The following PREP variants were observed in gnomAD, a reference collection of about 807,000 sequenced individuals.
The protein encoded by PREP is dJ355L5.1 (prolyl endopeptidase).
A neutral mutation model predicts 87.6 loss-of-function variants in PREP; 29 were observed. The observed-to-expected ratio is 0.33, with a 90% CI of 0.25 to 0.45. The LOEUF is 0.45. Among genes scored for constraint, PREP ranks in the 20% least tolerant of loss-of-function variants. PREP has a pLI of 1.00. For missense variants in PREP, 695 were observed against 886.5 expected (o/e 0.78, Z 2.74); for synonymous variants, 337 against 328.6 (o/e 1.03, Z -0.28).
chr6:105,375,979 T>A (rs1471954610), intron 4 of PREP, 146 bp downstream of exon 4: 1 of 929,690 alleles, frequency 1.1e-6, no homozygotes, highest in Non-Finnish European at 1.5e-6. Context: ...TGTGCAAAAA[T>A]TAGCTTTCCT....
At chr6:105,289,944 T>C (rs1417214914) in intron 10 of PREP, among the ~76,000 whole-genome samples, 1 of 149,868 alleles carries the variant, frequency 6.7e-6, no homozygotes, top group African/African-American at 2.4e-5. Context: ...ATAACCATGG[T>C]GGGGGAAGGG....
chr6:105,381,805 C>T (rs907003177), intron 2 of PREP, among the ~76,000 whole-genome samples: 1 of 152,126 alleles, frequency 6.6e-6, no homozygotes, highest in Non-Finnish European at 1.5e-5. Flanking sequence ...ATCTGCTGTA[C>T]AACACTGTAC....
In PREP at chr6:105,296,385, G is replaced by GT. The variant is rs200889673; in HGVS notation, c.1318-7492dup. The stretch of plus-strand genomic sequence containing the variant: ...TATATTTTGTCCCAGTACACCAACA[G>GT]TTTTTTTTTTTAACTTTCTCTGTGG... On this transcript the variant is annotated intron_variant, in intron 10 of 14. Transcript: ENST00000652536. Among the ~76,000 whole-genome samples, 1,439 of 145,336 alleles carry GT rather than the reference G, an allele frequency of 9.9e-3. 43 individuals are homozygous for GT. In the East Asian group the frequency reaches 0.1, roughly 11 times the overall value.
intron 7 of PREP, among the ~76,000 whole-genome samples, chr6:105,340,365 C>A (rs1771609689): frequency 6.6e-6 from 1 of 152,048 alleles, no homozygotes; most frequent in African/African-American, 2.4e-5. Context: ...CACCACCAGG[C>A]CTGCCTTAAA....
chr6:105,364,537 C>T (rs1772335719), intron 6 of PREP, among the ~76,000 whole-genome samples: 2 of 152,178 alleles, frequency 1.3e-5, no homozygotes, highest in Admixed American at 1.3e-4. Context: ...CTGCACACGT[C>T]CACAAGCACA....
At chr6:105,288,478 T>A (rs953815882) in intron 11 of PREP, among the ~76,000 whole-genome samples, 1 of 152,160 alleles carries the variant, frequency 6.6e-6, no homozygotes, top group Non-Finnish European at 1.5e-5. Context: ...CTTAGCCTCC[T>A]GAGTAGCTGG....
intron 7 of PREP, among the ~76,000 whole-genome samples, chr6:105,342,019 C>T (rs1771667695): frequency 6.6e-6 from 1 of 152,196 alleles, no homozygotes; most frequent in Non-Finnish European, 1.5e-5. Context: ...AGGGAATCCT[C>T]CCTAACTCAT....
In PREP at chr6:105,329,452, C is replaced by G. The variant is rs147267943; in HGVS notation, c.1016-426G>C. On this transcript the variant is annotated intron_variant, in intron 8 of 14. Transcript: ENST00000652536. ...TACAGGCGTGAGCCACCACGCCCAG[C>G]CTTATAATTGGTTTTAATCATTTAT... 1.9e-4 allele frequency among the ~76,000 whole-genome samples: 29 copies of G among 152,318 alleles called. No individual in the cohort carries two copies. In the East Asian group the frequency reaches 4.8e-3, roughly 25 times the overall value.
Position 105,403,052 on chromosome 6 carries a change from G to A in PREP, c.-161C>T, listed in dbSNP as rs892753489. 7.0e-6 allele frequency: 2 copies of A among 285,216 alleles called. No homozygotes were observed. The highest frequency in any genetic ancestry group is 5.3e-5 in the Admixed American group (1 of 18,938). The allele number at this position is 285,216 out of a possible 1,614,324, so 17.7% of individuals were successfully genotyped here. On this transcript the variant is annotated 5_prime_UTR_variant, in exon 1 of 15. Transcript: ENST00000652536. ...CGGCCAGAGCTAGCACAAACGGACT[G>A]GCGGCGCGGCGGCGAGGACGTGCAG...
intron 7 of PREP, among the ~76,000 whole-genome samples, chr6:105,346,546 G>T (rs780268610): frequency 5.3e-5 from 8 of 152,192 alleles, no homozygotes; most frequent in Admixed American, 6.5e-5. Flanking sequence ...AAAAAGCACA[G>T]ACAGGTTAGT....
chr6:105,359,189 A>T (rs1480941057), intron 6 of PREP, among the ~76,000 whole-genome samples: 4 of 152,226 alleles, frequency 2.6e-5, no homozygotes, highest in Admixed American at 2.0e-4. Context: ...GCTCAGGCAC[A>T]CACAGATCAA....
chr6:105,283,282 G>A (rs1240333700), intron 12 of PREP, among the ~76,000 whole-genome samples: 7 of 152,180 alleles, frequency 4.6e-5, no homozygotes, highest in East Asian at 1.9e-4. Context: ...TCTGCAAATC[G>A]TTCCAGTGTA....
At chr6:105,294,943 C>T (rs1240827534) in intron 10 of PREP, among the ~76,000 whole-genome samples, 1 of 152,172 alleles carries the variant, frequency 6.6e-6, no homozygotes, top group Non-Finnish European at 1.5e-5. Context: ...TTAAATGTTA[C>T]TAAATCCGGA....
chr6:105,286,200 G>A (rs2114613979), intron 11 of PREP, among the ~76,000 whole-genome samples: 1 of 152,326 alleles, frequency 6.6e-6, no homozygotes, highest in East Asian at 1.9e-4. Context: ...AGGCATGAAT[G>A]GTGCTGGGCT....
chr6:105,376,015 A>G (rs1233653504), intron 4 of PREP, 110 bp downstream of exon 4: 1 of 1,320,962 alleles, frequency 7.6e-7, no homozygotes, highest in East Asian at 2.4e-5. Flanking sequence ...TCTGTTCCAC[A>G]ATATGGTCCA....
intron 10 of PREP, among the ~76,000 whole-genome samples, chr6:105,317,659 A>G (rs968109551): frequency 6.6e-6 from 1 of 152,144 alleles, no homozygotes; most frequent in African/African-American, 2.4e-5. Flanking sequence ...GACTGTGTCC[A>G]CATCCTGCTC....
chr6:105,348,280 T>C (rs1771851262), intron 7 of PREP, among the ~76,000 whole-genome samples: 1 of 152,064 alleles, frequency 6.6e-6, no homozygotes, highest in South Asian at 2.1e-4. Context: ...GCCACAGGGA[T>C]AAAGATTCAA....
intron 10 of PREP, among the ~76,000 whole-genome samples, chr6:105,316,092 T>C (rs1037307486): frequency 6.6e-6 from 1 of 152,234 alleles, no homozygotes; most frequent in Non-Finnish European, 1.5e-5. Flanking sequence ...ATTCACAAGT[T>C]GGCTGTTTGG....
At chr6:105,318,039 G>A (rs1770919595) in intron 10 of PREP, among the ~76,000 whole-genome samples, 1 of 152,130 alleles carries the variant, frequency 6.6e-6, no homozygotes, top group Admixed American at 6.5e-5. Context: ...GGTGGCATTT[G>A]GGTGCCCTGA....
Sources: allele counts gnomAD v4.1 joint callset (sites outside exome capture counted in the v4.1 genomes callset), GRCh38; gene constraint gnomAD v4.1.1; transcripts MANE v1.5; gene names NCBI Gene and HGNC (gene_info 2026-07-23, HGNC 2026-07-21).